The following TTN variants were observed in gnomAD, a reference collection of about 807,000 sequenced individuals.
TTN encodes the protein connectin.
In TTN, 1,525 loss-of-function variants were observed where a neutral mutation model predicts 3,223.0. The observed-to-expected ratio is 0.47, with a 90% confidence interval of 0.45 to 0.49. The LOEUF (loss-of-function observed/expected upper bound fraction) is 0.49, where lower values mean the gene tolerates loss of function less well. Among genes scored for constraint, TTN ranks in the 20% least tolerant of loss-of-function variants. The probability of loss-of-function intolerance (pLI) is 0.00; values close to 1 mark genes in which losing one functional copy is unlikely to be tolerated. For synonymous variants in TTN, 14,094 were observed against 15,161.0 expected, an observed-to-expected ratio of 0.93 and a Z score of 5.17; for missense variants, 40,786 against 43,424.0, an observed-to-expected ratio of 0.94 and a Z score of 5.40.
chr2:178,583,123 T>A lies in TTN; in HGVS notation c.65680A>T (p.Thr21894Ser). The change falls in exon 313 of 363, where the codon ACA becomes TCA. Residue 21894 changes from threonine to serine, a missense_variant. Physicochemically the swap from Thr to Ser is moderately conservative, Grantham distance 58. Coordinates refer to ENST00000589042, the MANE Select transcript of TTN (RefSeq NM_001267550.2). ...GTGCCATCTTTTTTCCAAGAAACTG[T>A]TGGCATCGGTTTACCAAAAACAGTA... Reference protein sequence around the residue: ...DATVFGKPMPTVSWKKDGTLL... With the variant: ...DATVFGKPMPSVSWKKDGTLL... 1 of 1,612,200 alleles carries A rather than the reference T, an allele frequency of 6.2e-7. No individual in the cohort carries two copies. Among genetic ancestry groups the A allele is most frequent in the Non-Finnish European group, 8.5e-7 (1 of 1,179,004 alleles).
intron 242 of TTN, among the ~76,000 whole-genome samples, chr2:178,622,969 A>G (rs986532061): frequency 1.3e-5 from 2 of 151,938 alleles, no homozygotes; most frequent in African/African-American, 2.4e-5. Context: ...ACATAAAATT[A>G]TGTGGCATTC....
At chr2:178,592,327 G>A (rs959560687) in intron 301 of TTN, 50 bp from the exon 302 acceptor site, 9 of 1,598,762 alleles carry the variant, frequency 5.6e-6, no homozygotes, top group Admixed American at 1.8e-5. Flanking sequence ...CCATATAAGA[G>A]CTCAAAATTA....
At chr2:178,536,602 C>G (rs1229553639) in intron 356 of TTN, 27 bp from the exon 357 acceptor site, 1 of 1,470,552 alleles carries the variant, frequency 6.8e-7, no homozygotes, top group Non-Finnish European at 9.0e-7. Flanking sequence ...AGATTTGAGT[C>G]ATGAGATGAA....
In TTN at chr2:178,558,163, A is replaced by G; in HGVS notation, c.87191T>C (p.Val29064Ala). The G allele has an allele frequency of 2.5e-6, 4 of 1,613,836 alleles. No homozygotes were observed. Among genetic ancestry groups the G allele is most frequent in the African/African-American group, 1.3e-5 (1 of 75,050 alleles). Residue 29064 changes from valine to alanine, a missense_variant, in exon 328 of 363, where the codon GTT (valine) becomes GCT (alanine). Transcript: ENST00000589042. ...VYVRAGSNLK[V>A]DIPISGKPLP... ...TGGTTTTCCAGAGATTGGAATGTCA[A>G]CTTTAAGGTTTGAACCAGCTCTAAC...
At chr2:178,753,784 C>G (rs1469270340) in intron 46 of TTN, 1 of 152,374 alleles carries the variant, frequency 6.6e-6, no homozygotes, top group Non-Finnish European at 1.5e-5. Context: ...TCTCGTATCA[C>G]TCTCAGTCTT....
chr2:178,586,880 G>A, intron 307 of TTN, 73 bp from the exon 308 acceptor site: 1 of 1,552,294 alleles, frequency 6.4e-7, no homozygotes, highest in South Asian at 1.2e-5. Flanking sequence ...GTACATAAGA[G>A]TTTTAGTATG....
chr2:178,786,932 T>G (rs926093019), intron 13 of TTN, among the ~76,000 whole-genome samples: 1 of 152,140 alleles, frequency 6.6e-6, no homozygotes, highest in Non-Finnish European at 1.5e-5. Flanking sequence ...TGATGAACAT[T>G]AATGGAAATA....
At position 178,564,280 on chromosome 2, in the gene TTN, GACATCTTTATAT is replaced by G; in HGVS notation, c.81840_81851del (p.Lys27280_Val27284delinsAsn). The G allele has an allele frequency of 6.2e-7, 1 of 1,613,322 alleles. No individual in the cohort carries two copies. Among genetic ancestry groups the G allele is most frequent in the Non-Finnish European group, 8.5e-7 (1 of 1,179,754 alleles). On this transcript the variant is annotated inframe_deletion, in exon 326 of 363. Coordinates refer to ENST00000589042, the MANE Select transcript of TTN (RefSeq NM_001267550.2). ...AAGTCTCTCCTGCATGAACAACGAT[GACATCTTTATAT>G]TTTGGATCCAGAGAGGCATTTGGTG...
intron 336 of TTN, chr2:178,550,544 G>C: frequency 4.4e-6 from 2 of 457,600 alleles, no homozygotes; most frequent in Non-Finnish European, 7.7e-6. Context: ...TACAGATCAT[G>C]TACTTCCTAA....
Position 178,582,017 on chromosome 2 carries a change from T to C in TTN, c.66352A>G (p.Thr22118Ala). ...KPIIERTLKATGLQEGTEYEF... is the reference protein window; with the variant it reads ...KPIIERTLKAAGLQEGTEYEF... ...TATTCGGTACCTTCTTGAAGACCTGTTGCTTTTAATGTTCTTTCTATAATA... is the reference window on the plus strand; with the variant it reads ...TATTCGGTACCTTCTTGAAGACCTGCTGCTTTTAATGTTCTTTCTATAATA... Residue 22118 changes from threonine to alanine, a missense_variant, in exon 315 of 363, where the codon ACA becomes GCA. Transcript: ENST00000589042. The C allele has an allele frequency of 6.2e-7, 1 of 1,613,350 alleles. No individual in the cohort carries two copies. The highest frequency in any genetic ancestry group is 8.5e-7 in the Non-Finnish European group (1 of 1,179,478).
intron 308 of TTN, 78 bp from the exon 309 acceptor site, chr2:178,585,425 T>C (rs2048706731): frequency 4.1e-6 from 6 of 1,464,658 alleles, no homozygotes; most frequent in Non-Finnish European, 5.5e-6. Flanking sequence ...CTGGTGCAAA[T>C]TAATGCTTGT....
chr2:178,718,727 C>T lies in TTN; in HGVS notation c.24473G>A (p.Ser8158Asn), dbSNP rs551835183. Residue 8158 changes from serine (S) to asparagine (N), a missense_variant, in exon 84 of 363, where the codon AGT becomes AAT. Physicochemically the swap from Ser to Asn is conservative, Grantham distance 46 (BLOSUM62 1). Transcript: ENST00000589042. Reference sequence around the variant, plus strand: ...AAAAAGATGTGTGGTACAGGAAGCACTGCCAGCATCATTTGTAACGAGGCA... The same window carrying T: ...AAAAAGATGTGTGGTACAGGAAGCATTGCCAGCATCATTTGTAACGAGGCA... ...YSCLVTNDAG[S>N]ASCTTHLFVK... 7 of 1,613,722 alleles carry T rather than the reference C, an allele frequency of 4.3e-6. No individual in the cohort carries two copies. Among genetic ancestry groups the T allele is most frequent in the African/African-American group, 1.3e-5 (1 of 75,012 alleles).
At chr2:178,551,599 A>C (rs745370292) in intron 335 of TTN, 31 bp downstream of exon 335, 53 of 1,510,810 alleles carry the variant, frequency 3.5e-5, no homozygotes, top group Non-Finnish European at 4.7e-5. Flanking sequence ...TCAATTGCTA[A>C]ACTAAATGTA....
Position 178,775,673 on chromosome 2 carries a change from A to G in TTN, c.6191T>C (p.Phe2064Ser). The change falls in exon 28 of 363, where the codon TTT becomes TCT. Residue 2064 changes from phenylalanine (F) to serine (S), a missense_variant. Phe to Ser is a radical substitution (Grantham distance 155, BLOSUM62 -2). Coordinates refer to ENST00000589042, the MANE Select transcript of TTN (RefSeq NM_001267550.2). ...ACTTAGTTCAATCTTGTCAGGTTTA[A>G]AAGTTGGAATCGTGATTTTGCCTTC... ...AEEGKITIPTFKPDKIELSPS... is the reference protein window; with the variant it reads ...AEEGKITIPTSKPDKIELSPS... The G allele has an allele frequency of 1.9e-6, 3 of 1,614,072 alleles. No homozygotes were observed. Among genetic ancestry groups the G allele is most frequent in the Non-Finnish European group, 2.5e-6 (3 of 1,180,008 alleles).
rs188494971 is a variant in TTN at position 178,649,121 on chromosome 2, A to G, written c.40057+127T>C. 693 of 720,336 alleles carry G rather than the reference A, an allele frequency of 9.6e-4. 9 individuals are homozygous for G. The East Asian group carries it at 0.021, about 22-fold the overall frequency. 44.6% of individuals were successfully genotyped at this position (720,336 alleles called of 1,614,324 possible). A position where few individuals can be genotyped will look rare whatever the true frequency, so the allele number is the denominator to read the frequency against. On this transcript the variant is annotated intron_variant, in intron 213 of 362. Coordinates refer to ENST00000589042, the MANE Select transcript of TTN (RefSeq NM_001267550.2). ...TCTGTTTCATTTTTTTCCCTTCATT[A>G]TTTCCCTTTTTTCTGTGCAATATGG... is the stretch of plus-strand genomic sequence containing the variant.
chr2:178,538,566 G>C lies in TTN; in HGVS notation c.99263C>G (p.Ala33088Gly), dbSNP rs745535102. ...TGTGAGTTTAGTCTTTATAGACATA[G>C]CAGTTCTGCGAGGTCTGCTCAGCCC... ...ETGLSRPRRT[A>G]MSIKTKLTSG... is the part of the protein sequence containing the mutation. The change falls in exon 354 of 363, where the codon GCT becomes GGT. Residue 33088 changes from alanine to glycine, a missense_variant. By Grantham distance (60) the Ala-to-Gly change is moderately conservative. Coordinates refer to ENST00000589042, the MANE Select transcript of TTN (RefSeq NM_001267550.2). 5.6e-6 allele frequency: 9 copies of C among 1,612,860 alleles called. No homozygotes were observed. The South Asian group carries it at 6.6e-5, about 12-fold the overall frequency.
intron 2 of TTN, among the ~76,000 whole-genome samples, chr2:178,804,092 C>T (rs1363094798): frequency 6.6e-6 from 1 of 152,172 alleles, no homozygotes; most frequent in African/African-American, 2.4e-5. Context: ...AGCTCTGCCT[C>T]TGAGGAAAAT....
rs772571812 is a variant in TTN, at chr2:178,546,905, T to C, written c.94523A>G (p.Asp31508Gly). The C allele has an allele frequency of 6.3e-7, 1 of 1,578,900 alleles. No individual in the cohort carries two copies. The highest frequency in any genetic ancestry group is 1.2e-5 in the South Asian group (1 of 85,336). Residue 31508 changes from aspartate (D) to glycine (G), a missense_variant and splice_region_variant, in exon 341 of 363, where the codon GAT (aspartate) becomes GGT (glycine). Physicochemically the swap from Asp to Gly is moderately conservative, Grantham distance 94. Transcript: ENST00000589042. ...TGTCACCTCTGGTCTGCCTGGTGCA[T>C]CTGGAAGGGATGCAAAAATAAGGTT... ...SRPIMAQNPV[D>G]APGRPEVTDV...
In TTN at chr2:178,705,229, A is replaced by C; in HGVS notation, c.29549T>G (p.Leu9850Arg). 1 of 1,613,778 alleles carries C rather than the reference A, an allele frequency of 6.2e-7. No individual in the cohort carries two copies. Among genetic ancestry groups the C allele is most frequent in the Non-Finnish European group, 8.5e-7 (1 of 1,179,746 alleles). Residue 9850 changes from leucine to arginine, a missense_variant, in exon 103 of 363, where the codon CTT (leucine) becomes CGT (arginine). Coordinates refer to ENST00000589042, the MANE Select transcript of TTN (RefSeq NM_001267550.2). Reference protein sequence around the residue: ...RMYGITDFRGLLQAFELLKQS... With the variant: ...RMYGITDFRGRLQAFELLKQS... The stretch of plus-strand genomic sequence containing the variant: ...CTTGAGCAGTTCAAATGCTTGAAGA[A>C]GACCTCGGAAGTCAGTGATTCCATA...
Sources: gnomAD v4.1 joint callset for allele counts (sites outside exome capture counted in the v4.1 genomes callset) on GRCh38, gnomAD v4.1.1 for gene constraint, MANE v1.5 for transcripts, NCBI Gene and HGNC (gene_info 2026-07-23, HGNC 2026-07-21) for gene names.